MNAT1: variants seen among roughly 807,000 people sequenced by gnomAD.
The protein encoded by MNAT1 is CDK-activating kinase assembly factor MAT1.
Under a neutral mutation model 42.0 loss-of-function variants are expected in MNAT1, and 43 were observed. The observed-to-expected ratio is 1.02, with a 90% confidence interval of 0.80 to 1.32. The LOEUF (loss-of-function observed/expected upper bound fraction) is 1.32, where lower values mean the gene tolerates loss of function less well. MNAT1 is among the 40% of genes most tolerant of loss of function. The probability of loss-of-function intolerance (pLI) is 0.00; values close to 1 mark genes in which losing one functional copy is unlikely to be tolerated. For missense variants in MNAT1, 306 were observed against 350.4 expected (o/e 0.87, Z 1.01); for synonymous variants, 118 against 120.0 (o/e 0.98, Z 0.11).
rs779673835 is a variant in MNAT1, at chr14:60,879,780, CA to C, written c.755del (p.Gln252ArgfsTer2). On this transcript the variant is annotated frameshift_variant, in exon 7 of 8. Transcript: ENST00000261245. LOFTEE classifies it high-confidence loss of function. ...EEALYEYQPL[Q>X]IETYGPHVPE... ...AGCTCTGTATGAATACCAGCCACTG[CA>C]GATAGAGACATATGGACCACATGTT... The C allele has an allele frequency of 6.2e-7, 1 of 1,613,130 alleles. No individual in the cohort carries two copies. The highest frequency in any genetic ancestry group is 8.5e-7 in the Non-Finnish European group (1 of 1,179,352).
intron 6 of MNAT1, among the ~76,000 whole-genome samples, chr14:60,847,846 T>C (rs79832567): frequency 0.013 from 1,979 of 152,336 alleles, 43 homozygotes; most frequent in African/African-American, 0.045. Context: ...TATAGCTTCA[T>C]TCCTTTTCCT....
chr14:60,871,478 CA>C (rs1022091814), intron 6 of MNAT1, among the ~76,000 whole-genome samples: 18 of 152,160 alleles, frequency 1.2e-4, no homozygotes, highest in African/African-American at 4.1e-4. Flanking sequence ...TGGTTGTTGT[CA>C]TTCAAGTGAG....
At chr14:60,754,835 C>G (rs1432991033) in intron 1 of MNAT1, among the ~76,000 whole-genome samples, 3 of 152,250 alleles carry the variant, frequency 2.0e-5, no homozygotes, top group South Asian at 2.1e-4. Flanking sequence ...AGTGAGAATC[C>G]TGTAAGCTTC....
In MNAT1 at chr14:60,936,251, T is replaced by C. The variant is rs560966361; in HGVS notation, c.810-31978T>C. Among the ~76,000 whole-genome samples the C allele has an allele frequency of 4.6e-5, 7 of 152,280 alleles. No homozygotes were observed. The South Asian group carries it at 6.2e-4, about 14-fold the overall frequency. On this transcript the variant is annotated intron_variant, in intron 7 of 7. Coordinates refer to ENST00000261245, the MANE Select transcript of MNAT1 (RefSeq NM_002431.4). ...TGTGTGCATTTTTTTTATTATACTT[T>C]AAGTTTTAGGGTACATGTGCACAAC... is the stretch of plus-strand genomic sequence containing the variant.
At chr14:60,832,028 TG>T (rs2139384897) in intron 6 of MNAT1, among the ~76,000 whole-genome samples, 1 of 152,346 alleles carries the variant, frequency 6.6e-6, no homozygotes, top group African/African-American at 2.4e-5. Flanking sequence ...TGGGATTGTT[TG>T]TTTTTTTTCT....
intron 1 of MNAT1, among the ~76,000 whole-genome samples, chr14:60,789,133 T>C (rs1334793838): frequency 2.0e-5 from 3 of 152,110 alleles, no homozygotes; most frequent in African/African-American, 7.2e-5. Flanking sequence ...GAGTCCATTG[T>C]AGGGTTATTA....
At chr14:60,937,103 T>C (rs1357958353) in intron 7 of MNAT1, among the ~76,000 whole-genome samples, 1 of 151,944 alleles carries the variant, frequency 6.6e-6, no homozygotes, top group African/African-American at 2.4e-5. Context: ...TTTGTTTGAG[T>C]TCATTGTAGA....
At chr14:60,933,873 T>C (rs556382831) in intron 7 of MNAT1, among the ~76,000 whole-genome samples, 1 of 152,286 alleles carries the variant, frequency 6.6e-6, no homozygotes, top group South Asian at 2.1e-4. Context: ...ATTTAAGGGT[T>C]ACCAGGAGGG....
intron 7 of MNAT1, among the ~76,000 whole-genome samples, chr14:60,933,341 G>A (rs1200387650): frequency 6.6e-6 from 1 of 151,966 alleles, no homozygotes; most frequent in African/African-American, 2.4e-5. Flanking sequence ...TTGGCATTTA[G>A]TTCAGTGTAG....
At chr14:60,959,650 A>T (rs1285209932) in intron 7 of MNAT1, among the ~76,000 whole-genome samples, 1 of 152,180 alleles carries the variant, frequency 6.6e-6, no homozygotes, top group African/African-American at 2.4e-5. Flanking sequence ...GTCATTACTT[A>T]TGGGAGTTTT....
intron 6 of MNAT1, among the ~76,000 whole-genome samples, chr14:60,875,095 A>G (rs1221004753): frequency 1.3e-5 from 2 of 152,038 alleles, no homozygotes; most frequent in African/African-American, 4.8e-5. Flanking sequence ...CCACTGAGTA[A>G]TGTTTATTTC....
chr14:60,890,967 A>G (rs960245666), intron 7 of MNAT1, among the ~76,000 whole-genome samples: 1 of 152,212 alleles, frequency 6.6e-6, no homozygotes, highest in Non-Finnish European at 1.5e-5. Flanking sequence ...AGAGTATAGA[A>G]TGAGTTAGGG....
chr14:60,865,082 A>C (rs1214465361), intron 6 of MNAT1, among the ~76,000 whole-genome samples: 2 of 152,050 alleles, frequency 1.3e-5, no homozygotes, highest in East Asian at 1.9e-4. Context: ...TTCCTGATAC[A>C]TACCAACTAC....
At chr14:60,853,252 G>C (rs1013763251) in intron 6 of MNAT1, among the ~76,000 whole-genome samples, 5 of 152,112 alleles carry the variant, frequency 3.3e-5, no homozygotes, top group African/African-American at 1.2e-4. Context: ...CTTTGAAGAG[G>C]TCCTTCACGT....
chr14:60,823,367 AGGG>A (rs745916900), intron 6 of MNAT1, among the ~76,000 whole-genome samples: 16 of 152,122 alleles, frequency 1.1e-4, no homozygotes, highest in Non-Finnish European at 2.1e-4. Context: ...TTTTGCCTGA[AGGG>A]GTATCTTACC....
intron 1 of MNAT1, among the ~76,000 whole-genome samples, chr14:60,761,219 G>A (rs1214779565): frequency 1.3e-5 from 2 of 152,140 alleles, no homozygotes; most frequent in African/African-American, 4.8e-5. Context: ...GGTTGGAAGG[G>A]TTCCCTGTTG....
chr14:60,780,546 T>C, intron 1 of MNAT1: 1 of 1,538,694 alleles, frequency 6.5e-7, no homozygotes, highest in Non-Finnish European at 9.0e-7. Context: ...ACTACTACAA[T>C]CCACAAAGTA....
rs142860962 is a variant in MNAT1, at chr14:60,857,902, A to C, written c.688-21812A>C. On this transcript the variant is annotated intron_variant, in intron 6 of 7. Transcript: ENST00000261245. Reference sequence around the variant, plus strand: ...ATCTACATCCCTGCAAAGGATATGAACTCATCATTTTTTATGGCTGCATAG... The same window carrying C: ...ATCTACATCCCTGCAAAGGATATGACCTCATCATTTTTTATGGCTGCATAG... 5.1e-3 allele frequency among the ~76,000 whole-genome samples: 777 copies of C among 152,190 alleles called. 15 individuals carry two copies. The highest frequency in any genetic ancestry group is 0.018 in the African/African-American group (728 of 41,492).
chr14:60,895,655 T>C (rs142330316), intron 7 of MNAT1, among the ~76,000 whole-genome samples: 137 of 152,292 alleles, frequency 9.0e-4, no homozygotes, highest in African/African-American at 2.8e-3. Context: ...ATCTCAGCCA[T>C]GTGTGGTAGC....
Sources: gnomAD v4.1 joint callset for allele counts (sites outside exome capture counted in the v4.1 genomes callset) on GRCh38, gnomAD v4.1.1 for gene constraint, MANE v1.5 for transcripts, NCBI Gene and HGNC (gene_info 2026-07-23, HGNC 2026-07-21) for gene names.